Variants in COL9A1 observed in about 807,000 individuals in gnomAD.
COL9A1 encodes the protein collagen type IX alpha 1 chain, also known as collagen alpha-1(IX) chain.
A neutral mutation model predicts 142.6 loss-of-function variants in COL9A1; 104 were observed. That is an observed-to-expected ratio of 0.73 (90% CI 0.62 to 0.86). The LOEUF (loss-of-function observed/expected upper bound fraction) is 0.86, where lower values mean the gene tolerates loss of function less well. Among genes scored for constraint, COL9A1 ranks in the 40% least tolerant of loss-of-function variants. The pLI is 0.00. For synonymous variants in COL9A1, 466 were observed against 396.0 expected (o/e 1.18, Z -2.10); for missense variants, 1,210 against 1,176.6 (o/e 1.03, Z -0.42).
At chr6:70,289,287 A>G (rs1055690766) in intron 5 of COL9A1, among the ~76,000 whole-genome samples, 1 of 152,206 alleles carries the variant, frequency 6.6e-6, no homozygotes, top group African/African-American at 2.4e-5. Flanking sequence ...AAAATCTAAT[A>G]GCACACTGAT....
At chr6:70,288,861 C>T (rs995062288) in intron 5 of COL9A1, among the ~76,000 whole-genome samples, 1 of 152,130 alleles carries the variant, frequency 6.6e-6, no homozygotes, top group Non-Finnish European at 1.5e-5. Flanking sequence ...TCCACATATA[C>T]TTATGTATTT....
chr6:70,300,167 G>T lies in COL9A1; in HGVS notation c.175C>A (p.Leu59Met), dbSNP rs151310170. ...TTATCTACCTGGAACTGAGAGATCA[G>T]ATCAAACCCTATAGAATGGGAATAC... Reference protein sequence around the residue: ...IGQDDLPGFDLISQFQVDKAA... With the variant: ...IGQDDLPGFDMISQFQVDKAA... Residue 59 changes from leucine (L) to methionine (M), a missense_variant, in exon 4 of 38, where the codon CTG (leucine) becomes ATG (methionine). Coordinates refer to ENST00000357250, the MANE Select transcript of COL9A1 (RefSeq NM_001851.6). 25 of 1,613,620 alleles carry T rather than the reference G, an allele frequency of 1.5e-5. No homozygotes were observed. In the African/African-American group the frequency reaches 2.9e-4, roughly 19 times the overall value.
At chr6:70,295,056 A>T (rs895966352) in intron 4 of COL9A1, among the ~76,000 whole-genome samples, 16 of 152,256 alleles carry the variant, frequency 1.1e-4, no homozygotes, top group Admixed American at 3.3e-4. Context: ...ATTATTTGTT[A>T]TTTCCATAAT....
chr6:70,280,278 G>T, intron 10 of COL9A1: 1 of 1,235,558 alleles, frequency 8.1e-7, no homozygotes, highest in Non-Finnish European at 1.0e-6. Context: ...TAAATTCCCC[G>T]CACATCCCCA....
intron 2 of COL9A1, among the ~76,000 whole-genome samples, chr6:70,300,689 G>T (rs555620760): frequency 1.3e-5 from 2 of 152,048 alleles, no homozygotes; most frequent in East Asian, 1.9e-4. Flanking sequence ...TAATAATCTG[G>T]CTGGGAAAAT....
At chr6:70,270,001 G>C (rs1232967418) in intron 15 of COL9A1, among the ~76,000 whole-genome samples, 1 of 152,068 alleles carries the variant, frequency 6.6e-6, no homozygotes, top group Non-Finnish European at 1.5e-5. Flanking sequence ...GAAAACCTTT[G>C]TAAAAACTAG....
Position 70,221,538 on chromosome 6 carries a change from A to C in COL9A1, c.2581+4394T>G, listed in dbSNP as rs1228843351. Among the ~76,000 whole-genome samples the C allele has an allele frequency of 4.6e-5, 7 of 152,190 alleles. No individual in the cohort carries two copies. In the South Asian group the frequency reaches 1.4e-3, roughly 32 times the overall value. On this transcript the variant is annotated intron_variant, in intron 37 of 37. Coordinates refer to ENST00000357250, the MANE Select transcript of COL9A1 (RefSeq NM_001851.6). ...GTGTATTTTTCCACTCAATAGTCTC[A>C]AGCAAAGCTCACCTTTCTGTGGACT...
At chr6:70,246,549 A>C (rs1433439591) in intron 28 of COL9A1, among the ~76,000 whole-genome samples, 1 of 151,950 alleles carries the variant, frequency 6.6e-6, no homozygotes, top group Non-Finnish European at 1.5e-5. Flanking sequence ...CCTTATCTTT[A>C]TTTAGCCCCT....
In COL9A1 at chr6:70,234,779, C is replaced by G; in HGVS notation, c.2259+15G>C. 6.2e-7 allele frequency: 1 copy of G among 1,614,098 alleles called. No homozygotes were observed. Among genetic ancestry groups the G allele is most frequent in the Non-Finnish European group, 8.5e-7 (1 of 1,179,984 alleles). On this transcript the variant is annotated intron_variant, in intron 34 of 37. Coordinates refer to ENST00000357250, the MANE Select transcript of COL9A1 (RefSeq NM_001851.6). ...AGTCTCCAAAGGGAAACCACAGAAG[C>G]TGCCCACCACTCACCGGAGGGCCCT...
intron 35 of COL9A1, among the ~76,000 whole-genome samples, chr6:70,233,493 T>A (rs1769690796): frequency 6.6e-6 from 1 of 152,092 alleles, no homozygotes. Context: ...AATCTCCCCA[T>A]GAAAACATTC....
rs1771059234 is a variant in COL9A1 at position 70,253,151 on chromosome 6, G to A, written c.1764+234C>T. The A allele has an allele frequency of 2.1e-5, 9 of 419,708 alleles. No homozygotes were observed. In the South Asian group the frequency reaches 2.4e-4, roughly 11 times the overall value. The allele number at this position is 419,708 out of a possible 1,614,324, so 26.0% of individuals were successfully genotyped here. On this transcript the variant is annotated intron_variant, in intron 26 of 37. Transcript: ENST00000357250. ...CAATAAAATTTTCTGTTTTATACTG[G>A]CAAAGGATGACATTTTCATTAAGGA...
In COL9A1 at chr6:70,294,321, T is replaced by C. The variant is rs767765307; in HGVS notation, c.542A>G (p.His181Arg). The C allele has an allele frequency of 1.9e-6, 3 of 1,614,096 alleles. No individual in the cohort carries two copies. The highest frequency in any genetic ancestry group is 2.5e-6 in the Non-Finnish European group (3 of 1,179,962). The part of the protein sequence containing the change: ...NLSSLFDSQW[H>R]KIMIGVERSS... ...CCTCTCCACGCCAATCATGATCTTA[T>C]GCCACTGGGAATCAAACAAGGAGGA... The change falls in exon 5 of 38, where the codon CAT becomes CGT. Residue 181 changes from histidine (H) to arginine (R), a missense_variant. Transcript: ENST00000357250.
intron 5 of COL9A1, among the ~76,000 whole-genome samples, chr6:70,287,096 A>G (rs752928821): frequency 1.1e-4 from 17 of 152,118 alleles, no homozygotes; most frequent in Non-Finnish European, 2.1e-4. Flanking sequence ...ACACGCGCAT[A>G]TATGTGCATG....
chr6:70,223,228 A>G (rs1264869131), intron 37 of COL9A1, among the ~76,000 whole-genome samples: 1 of 152,176 alleles, frequency 6.6e-6, no homozygotes, highest in Admixed American at 6.5e-5. Context: ...GATCCACCTT[A>G]AAAAGCAAAA....
intron 33 of COL9A1, 108 bp downstream of exon 33, chr6:70,239,146 A>T: frequency 5.9e-6 from 5 of 843,612 alleles, no homozygotes; most frequent in Non-Finnish European, 9.6e-6. Flanking sequence ...CTCAAAAAAA[A>T]AAAGAATTGA....
chr6:70,234,128 C>A (rs535202763), intron 35 of COL9A1, among the ~76,000 whole-genome samples: 24 of 152,234 alleles, frequency 1.6e-4, no homozygotes, highest in South Asian at 1.5e-3. Flanking sequence ...CTGTCATTTA[C>A]TTCTCACAAA....
chr6:70,272,193 A>C, intron 12 of COL9A1, 105 bp from the exon 13 acceptor site: 1 of 896,812 alleles, frequency 1.1e-6, no homozygotes. Flanking sequence ...CTATTACTAA[A>C]AATGATGCTC....
intron 10 of COL9A1, 88 bp from the exon 11 acceptor site, chr6:70,274,860 G>C: frequency 6.0e-6 from 6 of 1,002,552 alleles, no homozygotes; most frequent in Non-Finnish European, 9.4e-6. Context: ...TTTATTAATT[G>C]TCTACAGGAT....
At chr6:70,241,941 T>C (rs768651850) in intron 30 of COL9A1, 23 bp downstream of exon 30, 8 of 1,569,972 alleles carry the variant, frequency 5.1e-6, no homozygotes, top group Admixed American at 3.6e-5. Context: ...ATAAAGAACC[T>C]TCTGGAGTGC....
Sources: gnomAD v4.1 joint callset for allele counts (sites outside exome capture counted in the v4.1 genomes callset) on GRCh38, gnomAD v4.1.1 for gene constraint, MANE v1.5 for transcripts, NCBI Gene and HGNC (gene_info 2026-07-23, HGNC 2026-07-21) for gene names.